MARCHF1: variants seen among roughly 807,000 people sequenced by gnomAD.
The protein encoded by MARCHF1 is membrane associated ring-CH-type finger 1.
Under a neutral mutation model 54.2 loss-of-function variants are expected in MARCHF1, and 40 were observed. The observed-to-expected ratio is 0.74, with a 90% CI of 0.57 to 0.96. MARCHF1 has a LOEUF of 0.96. MARCHF1 is among the 40% of genes least tolerant of loss of function. The pLI is 0.00. For synonymous variants in MARCHF1, 236 were observed against 236.3 expected (o/e 1.00, Z 0.01); for missense variants, 586 against 656.5 (o/e 0.89, Z 1.17).
intron 5 of MARCHF1, among the ~76,000 whole-genome samples, chr4:163,670,129 T>C (rs1743680731): frequency 6.6e-6 from 1 of 152,000 alleles, no homozygotes; most frequent in Admixed American, 6.6e-5. Context: ...TCAGACATAA[T>C]AAAAAATTTC....
intron 2 of MARCHF1, among the ~76,000 whole-genome samples, chr4:164,092,492 GATAT>G (rs1333571672): frequency 6.6e-6 from 1 of 152,078 alleles, no homozygotes; most frequent in Non-Finnish European, 1.5e-5. Flanking sequence ...AACGGGATGT[GATAT>G]ATATAAACAG....
rs141986363 is a variant in MARCHF1 at position 163,723,771 on chromosome 4, A to T, written c.112-22908T>A. Among the ~76,000 whole-genome samples, 1,151 of 152,208 alleles carry T rather than the reference A, an allele frequency of 7.6e-3. 8 individuals carry two copies. Among genetic ancestry groups the T allele is most frequent in the South Asian group, 0.022 (104 of 4,822 alleles). On this transcript the variant is annotated intron_variant, in intron 4 of 9. Transcript: ENST00000514618. ...CTTCTCTTCTCGCTTCATTTCGTTCATTTGATCTTCAATCACTGATACCCT... is the reference window on the plus strand; with the variant it reads ...CTTCTCTTCTCGCTTCATTTCGTTCTTTTGATCTTCAATCACTGATACCCT...
intron 4 of MARCHF1, among the ~76,000 whole-genome samples, chr4:163,837,446 A>G (rs1749220167): frequency 6.6e-6 from 1 of 152,212 alleles, no homozygotes. Context: ...TGTAAGAGAC[A>G]CAACTTAAAT....
chr4:163,604,146 A>T (rs1741067858), intron 7 of MARCHF1, among the ~76,000 whole-genome samples: 1 of 152,056 alleles, frequency 6.6e-6, no homozygotes, highest in Non-Finnish European at 1.5e-5. Flanking sequence ...CTTGACAATC[A>T]CCACCTAGCT....
chr4:163,561,290 T>G (rs977118049), intron 8 of MARCHF1, among the ~76,000 whole-genome samples: 7 of 152,174 alleles, frequency 4.6e-5, no homozygotes, highest in African/African-American at 1.4e-4. Context: ...GTCATACAAA[T>G]TTTTTCTATG....
chr4:163,607,846 G>A (rs1560970809), intron 7 of MARCHF1, among the ~76,000 whole-genome samples: 2 of 152,050 alleles, frequency 1.3e-5, no homozygotes, highest in Admixed American at 1.3e-4. Flanking sequence ...CCCAGAGCAA[G>A]GGCATCAGAA....
chr4:164,079,106 G>C (rs1405109010), intron 2 of MARCHF1, among the ~76,000 whole-genome samples: 1 of 151,742 alleles, frequency 6.6e-6, no homozygotes, highest in Non-Finnish European at 1.5e-5. Flanking sequence ...CCTGTATATT[G>C]CTTATTCATA....
chr4:163,557,092 G>A (rs1342118227), intron 8 of MARCHF1, among the ~76,000 whole-genome samples: 1 of 152,140 alleles, frequency 6.6e-6, no homozygotes, highest in Non-Finnish European at 1.5e-5. Context: ...GCAGGGAAGG[G>A]TTGGAGGTAT....
At chr4:164,039,665 A>T (rs1157544642) in intron 2 of MARCHF1, among the ~76,000 whole-genome samples, 1 of 152,036 alleles carries the variant, frequency 6.6e-6, no homozygotes, top group Non-Finnish European at 1.5e-5. Context: ...AAGACATTGT[A>T]TCTCTCCACA....
At chr4:164,054,905 G>A (rs952235742) in intron 2 of MARCHF1, among the ~76,000 whole-genome samples, 1 of 151,586 alleles carries the variant, frequency 6.6e-6, no homozygotes, top group African/African-American at 2.4e-5. Flanking sequence ...ATGTGCACAT[G>A]TACCCTAAAA....
chr4:163,539,488 T>C (rs992757621), intron 9 of MARCHF1, among the ~76,000 whole-genome samples: 3 of 152,244 alleles, frequency 2.0e-5, no homozygotes, highest in African/African-American at 7.2e-5. Context: ...TCTGTGTGAT[T>C]TGAACGCTAC....
intron 3 of MARCHF1, among the ~76,000 whole-genome samples, chr4:163,896,462 G>A (rs545842703): frequency 2.0e-5 from 3 of 152,188 alleles, no homozygotes; most frequent in Non-Finnish European, 4.4e-5. Flanking sequence ...TGTTTTTAGG[G>A]ATTTCTCAGA....
chr4:164,326,957 T>TTGTGTGTGTGTG (rs370504086), intron 1 of MARCHF1, among the ~76,000 whole-genome samples: 5,009 of 133,620 alleles, frequency 0.037, 283 homozygotes, highest in African/African-American at 0.1. Context: ...GTTGTAAGGA[T>TTGTGTGTGTGTG]TGTGTGTGTG....
At chr4:163,719,400 T>C (rs536334475) in intron 4 of MARCHF1, among the ~76,000 whole-genome samples, 78 of 152,342 alleles carry the variant, frequency 5.1e-4, no homozygotes, top group African/African-American at 1.8e-3. Flanking sequence ...ATGGTGTATA[T>C]GTGCCACATT....
intron 1 of MARCHF1, among the ~76,000 whole-genome samples, chr4:164,299,216 G>C (rs922080332): frequency 1.9e-4 from 29 of 152,132 alleles, no homozygotes; most frequent in African/African-American, 7.0e-4. Context: ...CCTTCCATTA[G>C]AGCTTTCTTC....
At chr4:163,597,880 A>T (rs79409675) in intron 7 of MARCHF1, among the ~76,000 whole-genome samples, 3,278 of 152,276 alleles carry the variant, frequency 0.022, 100 homozygotes, top group African/African-American at 0.074. Context: ...ACTGTCCTTC[A>T]TATTTTTACA....
At chr4:163,534,026 A>G (rs1738449173) in intron 9 of MARCHF1, among the ~76,000 whole-genome samples, 1 of 151,886 alleles carries the variant, frequency 6.6e-6, no homozygotes, top group South Asian at 2.1e-4. Context: ...ACTTTATCCA[A>G]AGTCCTATCT....
chr4:164,119,124 C>T (rs1255201275), intron 1 of MARCHF1, among the ~76,000 whole-genome samples: 1 of 151,520 alleles, frequency 6.6e-6, no homozygotes, highest in Non-Finnish European at 1.5e-5. Flanking sequence ...CCCTAAAAAA[C>T]CCTTAGTAAA....
intron 1 of MARCHF1, among the ~76,000 whole-genome samples, chr4:164,140,138 A>G (rs1054478339): frequency 1.3e-5 from 2 of 151,614 alleles, no homozygotes; most frequent in African/African-American, 4.8e-5. Context: ...ATACCCTTAG[A>G]TATTAAAGAT....
Sources: gnomAD v4.1 joint callset for allele counts (sites outside exome capture counted in the v4.1 genomes callset) on GRCh38, gnomAD v4.1.1 for gene constraint, MANE v1.5 for transcripts, NCBI Gene and HGNC (gene_info 2026-07-23, HGNC 2026-07-21) for gene names.